Variants in RCBTB1 observed in about 807,000 individuals in gnomAD.
RCBTB1 encodes the protein RCC1 and BTB domain containing protein 1, also known as RCC1 and BTB domain-containing protein 1.
RCBTB1 carries 46 observed loss-of-function variants against 62.4 expected under a neutral mutation model. That is an observed-to-expected ratio of 0.74 (90% CI 0.58 to 0.94). The LOEUF (loss-of-function observed/expected upper bound fraction) is 0.94. RCBTB1 is among the 40% of genes least tolerant of loss of function. The pLI is 0.00. For synonymous variants in RCBTB1, 222 were observed against 245.8 expected, an observed-to-expected ratio of 0.90 and a Z score of 0.91; for missense variants, 565 against 654.9, an observed-to-expected ratio of 0.86 and a Z score of 1.50.
chr13:49,577,338 T>C (rs1392096862), intron 2 of RCBTB1, among the ~76,000 whole-genome samples: 1 of 152,196 alleles, frequency 6.6e-6, no homozygotes, highest in Non-Finnish European at 1.5e-5. Flanking sequence ...CTAGCAAAAA[T>C]ATATTTCAAC....
Position 49,536,618 on chromosome 13 carries a change from G to A in RCBTB1, c.1456-2356C>T, listed in dbSNP as rs183586631. Among the ~76,000 whole-genome samples, 528 of 152,262 alleles carry A rather than the reference G, an allele frequency of 3.5e-3. 1 individual carries two copies. Among genetic ancestry groups the A allele is most frequent in the Non-Finnish European group, 4.8e-3 (326 of 68,016 alleles). On this transcript the variant is annotated intron_variant, in intron 12 of 12. Transcript: ENST00000378302. ...GCTTTAAATAAAACAGTTCCAAGGAGGACCAGAAGGATCATGTGACCAGGA... is the reference window on the plus strand; with the variant it reads ...GCTTTAAATAAAACAGTTCCAAGGAAGACCAGAAGGATCATGTGACCAGGA...
intron 2 of RCBTB1, 128 bp from the exon 3 acceptor site, chr13:49,567,448 G>C (rs879276171): frequency 3.0e-6 from 2 of 656,314 alleles, no homozygotes; most frequent in Non-Finnish European, 2.5e-6. Flanking sequence ...TGGTTACATG[G>C]ATCACTCACT....
Position 49,540,860 on chromosome 13 carries a change from T to C in RCBTB1, c.1455+16A>G, listed in dbSNP as rs774110662. The stretch of plus-strand genomic sequence containing the variant: ...GAGTTAAAGGTGGTCTGGTTTCTGT[T>C]TGTTGTTTAAGTTACCTCTGCATCA... On this transcript the variant is annotated intron_variant, in intron 12 of 12. Transcript: ENST00000378302. The C allele has an allele frequency of 1.2e-6, 2 of 1,609,812 alleles. No individual in the cohort carries two copies. The highest frequency in any genetic ancestry group is 4.5e-5 in the East Asian group (2 of 44,652).
chr13:49,583,258 G>A (rs1431447757), intron 1 of RCBTB1, among the ~76,000 whole-genome samples: 2 of 152,108 alleles, frequency 1.3e-5, no homozygotes, highest in African/African-American at 4.8e-5. Context: ...AAAGAGCACT[G>A]AGCAGAGAAA....
At chr13:49,560,804 C>T (rs560463163) in intron 4 of RCBTB1, among the ~76,000 whole-genome samples, 1 of 152,150 alleles carries the variant, frequency 6.6e-6, no homozygotes, top group African/African-American at 2.4e-5. Flanking sequence ...ACTCACACTG[C>T]TGTGACTATC....
At chr13:49,572,883 T>C (rs1392589094) in intron 2 of RCBTB1, among the ~76,000 whole-genome samples, 2 of 152,210 alleles carry the variant, frequency 1.3e-5, no homozygotes, top group Non-Finnish European at 2.9e-5. Context: ...GTGATTCTAT[T>C]TGTGTTCTAT....
intron 6 of RCBTB1, among the ~76,000 whole-genome samples, chr13:49,554,455 ATAAGT>A (rs1961671765): frequency 6.6e-6 from 1 of 152,200 alleles, no homozygotes; most frequent in Admixed American, 6.5e-5. Context: ...TTTTTAAAAA[ATAAGT>A]TAACATAAGG....
intron 4 of RCBTB1, among the ~76,000 whole-genome samples, chr13:49,564,726 C>G (rs1014510063): frequency 6.6e-6 from 1 of 151,318 alleles, no homozygotes; most frequent in African/African-American, 2.4e-5. Context: ...CCCATCTCTA[C>G]TAAAAATACA....
intron 5 of RCBTB1, among the ~76,000 whole-genome samples, chr13:49,559,282 T>C (rs1962213628): frequency 6.6e-6 from 1 of 152,212 alleles, no homozygotes; most frequent in African/African-American, 2.4e-5. Context: ...CTAAGTGAGA[T>C]AAACCAGTTA....
intron 4 of RCBTB1, among the ~76,000 whole-genome samples, chr13:49,561,745 GA>G (rs2137284150): frequency 6.6e-6 from 1 of 151,124 alleles, no homozygotes; most frequent in South Asian, 2.1e-4. Context: ...GAATAAATAG[GA>G]AAACCCTACA....
At chr13:49,582,524 T>C (rs1332698497) in intron 1 of RCBTB1, among the ~76,000 whole-genome samples, 1 of 152,104 alleles carries the variant, frequency 6.6e-6, no homozygotes, top group Non-Finnish European at 1.5e-5. Flanking sequence ...CAAGAGAAAC[T>C]GTAGAAAGGA....
rs2139181263 is a variant in RCBTB1, at chr13:49,551,465, C to A, written c.715G>T (p.Val239Phe). 1.9e-6 allele frequency: 3 copies of A among 1,613,958 alleles called. No individual in the cohort carries two copies. Among genetic ancestry groups the A allele is most frequent in the Middle Eastern group, 1.6e-4 (1 of 6,062 alleles). Residue 239 changes from valine (V) to phenylalanine (F), a missense_variant, in exon 8 of 13, where the codon GTC becomes TTC. Physicochemically the swap from Val to Phe is conservative, Grantham distance 50. Transcript: ENST00000378302. Reference protein sequence around the residue: ...ALHSVCVNQIVCGYAHTLALT... With the variant: ...ALHSVCVNQIFCGYAHTLALT... The stretch of plus-strand genomic sequence containing the variant: ...GCTAGAGTATGTGCGTAACCGCAGA[C>A]AATCTGCAAGTAAATTGAAACGGTT...
intron 2 of RCBTB1, among the ~76,000 whole-genome samples, chr13:49,575,072 G>T (rs1045047199): frequency 6.6e-6 from 1 of 152,184 alleles, no homozygotes; most frequent in African/African-American, 2.4e-5. Context: ...GGGGAGGTAG[G>T]AATGGGGAGT....
chr13:49,538,842 T>C (rs974865453), intron 12 of RCBTB1, among the ~76,000 whole-genome samples: 2 of 152,098 alleles, frequency 1.3e-5, no homozygotes, highest in Non-Finnish European at 2.9e-5. Flanking sequence ...CTCTAATTTT[T>C]CTACGTTGAA....
intron 2 of RCBTB1, among the ~76,000 whole-genome samples, chr13:49,579,338 G>A (rs1342508556): frequency 6.6e-6 from 1 of 152,096 alleles, no homozygotes; most frequent in Non-Finnish European, 1.5e-5. Context: ...AAGAATGAAA[G>A]GGAGGCCGGG....
At chr13:49,541,270 G>A (rs1267539529) in intron 11 of RCBTB1, among the ~76,000 whole-genome samples, 4 of 151,878 alleles carry the variant, frequency 2.6e-5, no homozygotes, top group South Asian at 2.1e-4. Context: ...TTTCTAAAAC[G>A]CTAAATGCAT....
intron 7 of RCBTB1, 74 bp from the exon 8 acceptor site, chr13:49,551,542 T>G: frequency 6.5e-7 from 1 of 1,532,984 alleles, no homozygotes; most frequent in Non-Finnish European, 8.9e-7. Context: ...TTAAAGGCTA[T>G]AGCCAGCTTC....
rs1281919049 is a variant in RCBTB1 at position 49,538,276 on chromosome 13, A to G, written c.1455+2600T>C. Among the ~76,000 whole-genome samples, 4 of 152,232 alleles carry G rather than the reference A, an allele frequency of 2.6e-5. No homozygotes were observed. The East Asian group carries it at 7.7e-4, about 29-fold the overall frequency. The stretch of plus-strand genomic sequence containing the variant: ...CCTGAGTAGCTAGAATACAGGCATG[A>G]GCCACTGTGCCCAGCTATGGATTTT... On this transcript the variant is annotated intron_variant, in intron 12 of 12. Coordinates refer to ENST00000378302, the MANE Select transcript of RCBTB1 (RefSeq NM_018191.4).
At chr13:49,565,544 G>A (rs1388431603) in intron 4 of RCBTB1, among the ~76,000 whole-genome samples, 10 of 143,368 alleles carry the variant, frequency 7.0e-5, no homozygotes, top group East Asian at 2.0e-4. Context: ...GCCTCTTCCC[G>A]GCCGCCACCC....
Sources: allele counts gnomAD v4.1 joint callset (sites outside exome capture counted in the v4.1 genomes callset), GRCh38; gene constraint gnomAD v4.1.1; transcripts MANE v1.5; gene names NCBI Gene and HGNC (gene_info 2026-07-23, HGNC 2026-07-21).